Variants in GPC5 observed in about 807,000 individuals in gnomAD.
GPC5 encodes glypican-5.
Under a neutral mutation model 53.9 loss-of-function variants are expected in GPC5, and 47 were observed. The observed-to-expected ratio is 0.87, with a 90% CI of 0.69 to 1.11. The LOEUF is 1.11. Among genes scored for constraint, GPC5 ranks in the 50% most tolerant of loss-of-function variants. The pLI is 0.00. For missense variants in GPC5, 748 were observed against 713.1 expected (o/e 1.05, Z -0.56); for synonymous variants, 286 against 263.3 (o/e 1.09, Z -0.84).
chr13:92,598,598 T>C (rs1273853183), intron 7 of GPC5, among the ~76,000 whole-genome samples: 1 of 152,230 alleles, frequency 6.6e-6, no homozygotes, highest in Admixed American at 6.5e-5. Context: ...ATGAATTTAC[T>C]GTTTGTTTTT....
intron 7 of GPC5, among the ~76,000 whole-genome samples, chr13:92,826,815 T>C (rs1169748027): frequency 1.3e-5 from 2 of 152,134 alleles, no homozygotes; most frequent in African/African-American, 4.8e-5. Context: ...TTTTTTGTCC[T>C]TATTACTTTG....
At position 92,867,172 on chromosome 13, in the gene GPC5, T is replaced by C. The variant is rs1180151692; in HGVS notation, c.*733T>C. ...TCTCTTTGCCTCATAGATTTAGCTA[T>C]GTTGGGAAGCACATGCTTGCTCTAG... On this transcript the variant is annotated 3_prime_UTR_variant, in exon 8 of 8. Coordinates refer to ENST00000377067, the MANE Select transcript of GPC5 (RefSeq NM_004466.6). 3.3e-5 allele frequency: 5 copies of C among 152,136 alleles called. No individual in the cohort carries two copies. The highest frequency in any genetic ancestry group is 2.0e-4 in the Admixed American group (3 of 15,228). The allele number at this position is 152,136 out of a possible 1,614,324, so 9.4% of individuals were successfully genotyped here.
chr13:92,206,932 G>A (rs182148900), intron 7 of GPC5, among the ~76,000 whole-genome samples: 176 of 152,114 alleles, frequency 1.2e-3, no homozygotes, highest in Non-Finnish European at 1.9e-3. Flanking sequence ...ACCCTTTCAG[G>A]CATCTAGGAT....
intron 2 of GPC5, among the ~76,000 whole-genome samples, chr13:91,453,780 T>TCCTC (rs892269350): frequency 2.6e-5 from 4 of 151,890 alleles, no homozygotes; most frequent in Non-Finnish European, 5.9e-5. Context: ...ATTTCCTCTC[T>TCCTC]CCTCCCTCCC....
intron 6 of GPC5, among the ~76,000 whole-genome samples, chr13:92,028,430 T>A (rs2040816759): frequency 6.6e-6 from 1 of 152,124 alleles, no homozygotes; most frequent in Non-Finnish European, 1.5e-5. Context: ...GACAAAGTAG[T>A]TCTTGAATTG....
chr13:92,134,292 C>T (rs2041766858), intron 6 of GPC5, among the ~76,000 whole-genome samples: 1 of 152,116 alleles, frequency 6.6e-6, no homozygotes, highest in South Asian at 2.1e-4. Flanking sequence ...GGCATTTTCT[C>T]ACAGTGAATT....
chr13:92,649,033 G>T (rs1306419163), intron 7 of GPC5, among the ~76,000 whole-genome samples: 1 of 152,082 alleles, frequency 6.6e-6, no homozygotes, highest in East Asian at 1.9e-4. Flanking sequence ...CACCTTTAAA[G>T]CTGGAGCTTT....
intron 5 of GPC5, among the ~76,000 whole-genome samples, chr13:91,861,927 A>G (rs2039034283): frequency 6.6e-6 from 1 of 151,674 alleles, no homozygotes; most frequent in Non-Finnish European, 1.5e-5. Context: ...TTCATATACA[A>G]TGTAAAAAAC....
intron 6 of GPC5, among the ~76,000 whole-genome samples, chr13:92,031,378 T>C (rs543939769): frequency 2.6e-5 from 4 of 152,046 alleles, no homozygotes; most frequent in East Asian, 1.9e-4. Flanking sequence ...TAATGACTTA[T>C]TTTCCTCTGG....
rs370341704 is a variant in GPC5, at chr13:92,243,033, C to T, written c.1561+98044C>T. Among the ~76,000 whole-genome samples, 18 of 152,284 alleles carry T rather than the reference C, an allele frequency of 1.2e-4. 3 individuals carry two copies. The highest frequency in any genetic ancestry group is 4.1e-4 in the African/African-American group (17 of 41,578). On this transcript the variant is annotated intron_variant, in intron 7 of 7. Transcript: ENST00000377067. ...AAAGTCTTGACTGATAGTTTTCTCT[C>T]ACATTGTTTGTAGTTACATTAAAAC...
intron 7 of GPC5, among the ~76,000 whole-genome samples, chr13:92,205,610 C>T (rs2042328050): frequency 6.6e-6 from 1 of 152,154 alleles, no homozygotes; most frequent in Admixed American, 6.5e-5. Context: ...GGGCTTTTGG[C>T]CAAGCCTTTC....
chr13:92,581,718 CA>C (rs1299618412), intron 7 of GPC5, among the ~76,000 whole-genome samples: 1 of 152,128 alleles, frequency 6.6e-6, no homozygotes, highest in Non-Finnish European at 1.5e-5. Flanking sequence ...ACATCCTCAC[CA>C]ATACTTGTTG....
chr13:91,606,160 A>C (rs2033358705), intron 2 of GPC5, among the ~76,000 whole-genome samples: 1 of 145,370 alleles, frequency 6.9e-6, no homozygotes, highest in African/African-American at 2.6e-5. Flanking sequence ...AGTTTTTAGC[A>C]TGAAGGGTTG....
chr13:92,314,926 C>T (rs2043168520), intron 7 of GPC5, among the ~76,000 whole-genome samples: 1 of 151,974 alleles, frequency 6.6e-6, no homozygotes, highest in African/African-American at 2.4e-5. Context: ...AGGCATGTGC[C>T]CCATGCCCAG....
At chr13:91,515,969 A>G (rs543858197) in intron 2 of GPC5, among the ~76,000 whole-genome samples, 2 of 152,192 alleles carry the variant, frequency 1.3e-5, no homozygotes, top group Non-Finnish European at 2.9e-5. Flanking sequence ...TGATAAACCC[A>G]TCAGATTTTG....
chr13:91,752,546 G>A (rs549440049), intron 4 of GPC5, among the ~76,000 whole-genome samples: 12 of 152,244 alleles, frequency 7.9e-5, no homozygotes, highest in Non-Finnish European at 1.3e-4. Flanking sequence ...TCTCAGGATG[G>A]CATTTTGTAC....
intron 7 of GPC5, among the ~76,000 whole-genome samples, chr13:92,548,608 T>C (rs1410061713): frequency 6.6e-6 from 1 of 152,060 alleles, no homozygotes; most frequent in Admixed American, 6.6e-5. Flanking sequence ...ATGTGTTGTG[T>C]ACTAAGCCAA....
intron 7 of GPC5, among the ~76,000 whole-genome samples, chr13:92,724,353 AC>A (rs1321526129): frequency 6.6e-6 from 1 of 151,690 alleles, no homozygotes; most frequent in Non-Finnish European, 1.5e-5. Context: ...CAAAACACTT[AC>A]CTTCTTTATC....
At chr13:92,326,904 G>A (rs1290222693) in intron 7 of GPC5, among the ~76,000 whole-genome samples, 5 of 152,040 alleles carry the variant, frequency 3.3e-5, no homozygotes, top group African/African-American at 1.2e-4. Flanking sequence ...CTTACTAGCC[G>A]TAAACATTTT....
Sources: gnomAD v4.1 joint callset for allele counts (sites outside exome capture counted in the v4.1 genomes callset) on GRCh38, gnomAD v4.1.1 for gene constraint, MANE v1.5 for transcripts, NCBI Gene and HGNC (gene_info 2026-07-23, HGNC 2026-07-21) for gene names.